Variants in CCDC7 observed in about 807,000 individuals in gnomAD.
The protein encoded by CCDC7 is coiled-coil domain-containing protein 7.
In CCDC7, 183 loss-of-function variants were observed where a neutral mutation model predicts 196.9. That is an observed-to-expected ratio of 0.93 (90% CI 0.82 to 1.05). The LOEUF is 1.05. Ranked by LOEUF, CCDC7 falls within the 50% of genes least tolerant of loss-of-function variation. The pLI is 0.00. For missense variants in CCDC7, 1,540 were observed against 1,482.2 expected, an observed-to-expected ratio of 1.04 and a Z score of -0.64; for synonymous variants, 525 against 484.6, an observed-to-expected ratio of 1.08 and a Z score of -1.10.
chr10:32,792,520 G>A (rs1260968444), intron 29 of CCDC7, among the ~76,000 whole-genome samples: 1 of 152,204 alleles, frequency 6.6e-6, no homozygotes, highest in African/African-American at 2.4e-5. Flanking sequence ...CTAGATGTTG[G>A]CTGGGCATGG....
intron 29 of CCDC7, among the ~76,000 whole-genome samples, chr10:32,786,617 C>A (rs181974655): frequency 6.6e-6 from 1 of 152,038 alleles, no homozygotes; most frequent in Non-Finnish European, 1.5e-5. Flanking sequence ...AAAAATTAGC[C>A]GGGCATGGTA....
intron 21 of CCDC7, among the ~76,000 whole-genome samples, chr10:32,668,193 T>C (rs1449738450): frequency 6.6e-6 from 1 of 152,178 alleles, no homozygotes; most frequent in South Asian, 2.1e-4. Context: ...TGTATAAGAA[T>C]GCTTGTGATT....
chr10:32,833,152 G>A (rs897388191), intron 32 of CCDC7, among the ~76,000 whole-genome samples: 2 of 151,980 alleles, frequency 1.3e-5, no homozygotes, highest in African/African-American at 2.4e-5. Flanking sequence ...ATTTATAGGT[G>A]TAACAACAGT....
intron 28 of CCDC7, among the ~76,000 whole-genome samples, chr10:32,753,757 G>A (rs2075999141): frequency 6.6e-6 from 1 of 152,006 alleles, no homozygotes; most frequent in Non-Finnish European, 1.5e-5. Flanking sequence ...CTTAGAACAT[G>A]CAATTGTGTT....
intron 29 of CCDC7, among the ~76,000 whole-genome samples, chr10:32,804,606 G>A (rs373403362): frequency 7.9e-5 from 12 of 152,068 alleles, no homozygotes; most frequent in Non-Finnish European, 1.5e-4. Context: ...GTTATGTTTC[G>A]TCTTACCAGG....
At chr10:32,484,552 G>A (rs1237116859) in intron 8 of CCDC7, among the ~76,000 whole-genome samples, 4 of 152,050 alleles carry the variant, frequency 2.6e-5, no homozygotes, top group East Asian at 1.9e-4. Context: ...GAGTGGTGAG[G>A]GAGGGCATTG....
At chr10:32,466,705 G>C (rs2036868653) in intron 5 of CCDC7, among the ~76,000 whole-genome samples, 1 of 152,158 alleles carries the variant, frequency 6.6e-6, no homozygotes, top group African/African-American at 2.4e-5. Context: ...CCATGTCTTT[G>C]CTATTGTGAA....
intron 29 of CCDC7, among the ~76,000 whole-genome samples, chr10:32,786,559 G>A (rs530792701): frequency 2.0e-5 from 3 of 152,148 alleles, no homozygotes; most frequent in Non-Finnish European, 2.9e-5. Context: ...CCAGGAGTTC[G>A]AGACCAGCCT....
intron 23 of CCDC7, among the ~76,000 whole-genome samples, chr10:32,693,674 C>T (rs1565165507): frequency 6.6e-6 from 1 of 152,206 alleles, no homozygotes; most frequent in Non-Finnish European, 1.5e-5. Flanking sequence ...AAAATTGATT[C>T]CTAGCCAGGC....
At chr10:32,484,243 A>G (rs1450134922) in intron 8 of CCDC7, among the ~76,000 whole-genome samples, 2 of 152,004 alleles carry the variant, frequency 1.3e-5, no homozygotes, top group Non-Finnish European at 2.9e-5. Context: ...TAGGCATTTT[A>G]TTCTCTTTGA....
chr10:32,446,907 T>TCCCTCCCTTCCTTCCTTCCTTCCTTCC (rs2031318522), upstream of CCDC7, among the ~76,000 whole-genome samples: 1 of 76,128 alleles, frequency 1.3e-5, no homozygotes, highest in Non-Finnish European at 3.5e-5. Context: ...CCTGCCTGCC[T>TCCCTCCCTTCCTTCCTTCCTTCCTTCC]CCCTCCCTCC....
At chr10:32,501,271 C>T (rs2043985882) in intron 9 of CCDC7, among the ~76,000 whole-genome samples, 1 of 152,040 alleles carries the variant, frequency 6.6e-6, no homozygotes, top group African/African-American at 2.4e-5. Context: ...TTCTAGTTAG[C>T]AATTCCTGTA....
chr10:32,492,673 CA>C (rs1378473534), intron 9 of CCDC7, among the ~76,000 whole-genome samples: 4 of 151,312 alleles, frequency 2.6e-5, no homozygotes, highest in Admixed American at 2.6e-4. Flanking sequence ...TGATGGTTGC[CA>C]GGGGGTACAG....
At chr10:32,576,260 A>G (rs1443879596) in intron 16 of CCDC7, among the ~76,000 whole-genome samples, 1 of 151,118 alleles carries the variant, frequency 6.6e-6, no homozygotes, top group East Asian at 1.9e-4. Context: ...AATGAGCAAT[A>G]TGTTGTGTGT....
At chr10:32,459,975 A>C (rs762624871) in intron 3 of CCDC7, among the ~76,000 whole-genome samples, 2 of 152,174 alleles carry the variant, frequency 1.3e-5, no homozygotes, top group Non-Finnish European at 2.9e-5. Context: ...GCAGTATAAT[A>C]AATGGCTTTG....
chr10:32,706,838 A>C (rs760635835), intron 24 of CCDC7, among the ~76,000 whole-genome samples: 2 of 152,244 alleles, frequency 1.3e-5, no homozygotes, highest in Non-Finnish European at 2.9e-5. Context: ...ATAGCTTAGC[A>C]ACCAAAAAAG....
chr10:32,794,695 A>T (rs368161548), intron 29 of CCDC7, among the ~76,000 whole-genome samples: 1 of 152,112 alleles, frequency 6.6e-6, no homozygotes, highest in South Asian at 2.1e-4. Flanking sequence ...GCAATTTTTC[A>T]TATATATTTT....
At chr10:32,567,621 A>G (rs1196564986) in intron 14 of CCDC7, 49 bp from the exon 16 acceptor site, 1 of 1,538,720 alleles carries the variant, frequency 6.5e-7, no homozygotes, top group East Asian at 2.4e-5. Flanking sequence ...TAGTATTGGC[A>G]GGAAAATATC....
intron 18 of CCDC7, among the ~76,000 whole-genome samples, chr10:32,625,884 C>A (rs900751959): frequency 1.3e-5 from 2 of 152,022 alleles, no homozygotes; most frequent in Non-Finnish European, 2.9e-5. Context: ...CTATCCATGT[C>A]ATTGCAAGTG....
Sources: gnomAD v4.1 joint callset for allele counts (sites outside exome capture counted in the v4.1 genomes callset) on GRCh38, gnomAD v4.1.1 for gene constraint, MANE v1.5 for transcripts, NCBI Gene and HGNC (gene_info 2026-07-23, HGNC 2026-07-21) for gene names.